The following ASTE1 variants were observed in gnomAD, a reference collection of about 807,000 sequenced individuals.
ASTE1 encodes asteroid structure-specific endonuclease 1, also known as single-strand DNA endonuclease ASTE1.
A neutral mutation model predicts 45.8 loss-of-function variants in ASTE1; 49 were observed. The observed-to-expected ratio is 1.07, with a 90% confidence interval of 0.85 to 1.36. ASTE1 has a LOEUF of 1.36. Among genes scored for constraint, ASTE1 ranks in the 40% most tolerant of loss-of-function variants. ASTE1 has a pLI of 0.00. For missense variants in ASTE1, 709 were observed against 804.0 expected, an observed-to-expected ratio of 0.88 and a Z score of 1.43; for synonymous variants, 296 against 303.9, an observed-to-expected ratio of 0.97 and a Z score of 0.27.
At position 131,024,728 on chromosome 3, in the gene ASTE1, G is replaced by A; in HGVS notation, c.579C>T (p.Ile193=). Residue 193 remains isoleucine (I), a synonymous_variant, in exon 3 of 6, where the codon ATC becomes ATT. Coordinates refer to ENST00000264992, the MANE Select transcript of ASTE1 (RefSeq NM_014065.4). ...MNTIKGTQNY[I]PAKCFSLDAF... ...CATCAAGGGAAAAGCATTTGGCAGG[G>A]ATATAGTTTTGTGTGCCCTTAATAG... 6.2e-7 allele frequency: 1 copy of A among 1,609,760 alleles called. No homozygotes were observed.
Position 131,025,034 on chromosome 3 carries a change from A to C in ASTE1, c.273T>G (p.Thr91=), listed in dbSNP as rs763528180. The stretch of plus-strand genomic sequence containing the variant: ...TCTTCTCTCTAGCTCTATCCTTTAA[A>C]GTTGTAAGCTTTTTATCTGAAATGT... ...GCDISDKKLT[T]LKDRAREKIQ... The change falls in exon 3 of 6, where the codon ACT becomes ACG. Residue 91 remains threonine (T), a synonymous_variant. Coordinates refer to ENST00000264992, the MANE Select transcript of ASTE1 (RefSeq NM_014065.4). The C allele has an allele frequency of 1.2e-6, 2 of 1,603,212 alleles. No individual in the cohort carries two copies. Among genetic ancestry groups the C allele is most frequent in the Non-Finnish European group, 1.7e-6 (2 of 1,174,268 alleles).
chr3:131,025,821 G>C (rs910330069), intron 1 of ASTE1, among the ~76,000 whole-genome samples: 2 of 152,204 alleles, frequency 1.3e-5, no homozygotes, highest in Non-Finnish European at 2.9e-5. Context: ...TAAGGATCAA[G>C]TTTTTCTTTT....
chr3:131,017,991 AAAAAAG>A (rs796282147), intron 4 of ASTE1, among the ~76,000 whole-genome samples: 14,627 of 136,652 alleles, frequency 0.11, 956 homozygotes, highest in Non-Finnish European at 0.14. Context: ...AAAAAAAAAA[AAAAAAG>A]GACAAATTAC....
chr3:131,017,127 G>C, intron 4 of ASTE1: 1 of 993,836 alleles, frequency 1.0e-6, no homozygotes, highest in Non-Finnish European at 1.4e-6. Flanking sequence ...TGTGCTCTGA[G>C]AGCTTTCTTA....
rs765217896 is a variant in ASTE1 at position 131,018,490 on chromosome 3, A to AT, written c.1513+15dup. The AT allele has an allele frequency of 6.2e-7, 1 of 1,610,082 alleles. No individual in the cohort carries two copies. The highest frequency in any genetic ancestry group is 8.5e-7 in the Non-Finnish European group (1 of 1,176,458). ...CAACATGCCACAATATACTCCTGTA[A>AT]TTTCCAGTTACCTACCAGGGCTGTT... On this transcript the variant is annotated intron_variant, in intron 4 of 5. Coordinates refer to ENST00000264992, the MANE Select transcript of ASTE1 (RefSeq NM_014065.4).
chr3:131,014,774 C>T (rs2063515729), intron 5 of ASTE1, among the ~76,000 whole-genome samples: 1 of 152,150 alleles, frequency 6.6e-6, no homozygotes, highest in Non-Finnish European at 1.5e-5. Context: ...TTTGCAAGGT[C>T]ATTCACTGAG....
At chr3:131,018,422 A>G (rs763382554) in intron 4 of ASTE1, 84 bp downstream of exon 4, 18 of 1,339,458 alleles carry the variant, frequency 1.3e-5, no homozygotes, top group Admixed American at 1.1e-4. Flanking sequence ...ATAATCCAAG[A>G]ATACTTTTTT....
chr3:131,017,412 T>C (rs556172442), intron 4 of ASTE1, among the ~76,000 whole-genome samples: 1 of 152,368 alleles, frequency 6.6e-6, no homozygotes, highest in South Asian at 2.1e-4. Flanking sequence ...TAGCCATATG[T>C]AACTACCTGA....
intron 4 of ASTE1, chr3:131,016,589 C>T: frequency 2.0e-6 from 1 of 509,074 alleles, no homozygotes; most frequent in Non-Finnish European, 3.5e-6. Context: ...AGATCTTTTC[C>T]ACTGGTCTAC....
intron 3 of ASTE1, 126 bp from the exon 4 acceptor site, chr3:131,018,842 G>T: frequency 1.1e-6 from 1 of 931,468 alleles, no homozygotes; most frequent in Non-Finnish European, 1.6e-6. Context: ...TTATCTTCTT[G>T]TGGGAAAAAA....
At chr3:131,015,296 A>G in intron 5 of ASTE1, 1 of 690,458 alleles carries the variant, frequency 1.4e-6, no homozygotes, top group East Asian at 2.7e-5. Flanking sequence ...CTCCCCCCAC[A>G]GAGTTTACAT....
At chr3:131,014,668 T>C (rs2063507748) in intron 5 of ASTE1, among the ~76,000 whole-genome samples, 1 of 152,232 alleles carries the variant, frequency 6.6e-6, no homozygotes, top group South Asian at 2.1e-4. Flanking sequence ...CAGGTGTCTT[T>C]AACAAACACT....
chr3:131,018,784 T>C (rs2063704341), intron 3 of ASTE1, 68 bp from the exon 4 acceptor site: 28 of 1,496,966 alleles, frequency 1.9e-5, no homozygotes, highest in Non-Finnish European at 2.5e-5. Flanking sequence ...TTTTCCACCA[T>C]AGCATGAAGA....
At chr3:131,020,947 G>A (rs1314091356) in intron 3 of ASTE1, among the ~76,000 whole-genome samples, 1 of 152,096 alleles carries the variant, frequency 6.6e-6, no homozygotes, top group African/African-American at 2.4e-5. Flanking sequence ...GGGGGGAAAA[G>A]GTATCCTGAT....
intron 3 of ASTE1, among the ~76,000 whole-genome samples, chr3:131,021,071 A>G (rs2063735865): frequency 6.6e-6 from 1 of 152,372 alleles, no homozygotes; most frequent in South Asian, 2.1e-4. Flanking sequence ...TTTCCTAAGC[A>G]GTTCACAAAA....
chr3:131,025,354 T>C, intron 2 of ASTE1, 23 bp from the exon 3 acceptor site: 2 of 1,561,572 alleles, frequency 1.3e-6, no homozygotes, highest in African/African-American at 1.4e-5. Flanking sequence ...ACAGAAAACA[T>C]TTTCAATTGA....
rs1451639251 is a variant in ASTE1, at chr3:131,014,044, T to C, written c.*13A>G. 1 of 1,519,584 alleles carries C rather than the reference T, an allele frequency of 6.6e-7. No individual in the cohort carries two copies. The highest frequency in any genetic ancestry group is 8.9e-7 in the Non-Finnish European group (1 of 1,124,162). The allele number at this position is 1,519,584 out of a possible 1,614,324, so 94.1% of individuals were successfully genotyped here. On this transcript the variant is annotated 3_prime_UTR_variant, in exon 6 of 6. Transcript: ENST00000264992. ...ATTATATTAAATACATCTAGTTTGA[T>C]GCAAACTGAGTTTTATTCAATGTTG...
intron 3 of ASTE1, among the ~76,000 whole-genome samples, chr3:131,021,801 T>G (rs948728349): frequency 1.3e-5 from 2 of 152,206 alleles, no homozygotes. Context: ...GTACACACTT[T>G]ATGTGCACTT....
At position 131,024,949 on chromosome 3, in the gene ASTE1, G is replaced by A. The variant is rs778902667; in HGVS notation, c.358C>T (p.Arg120Trp). 3.3e-5 allele frequency: 53 copies of A among 1,612,202 alleles called. No individual in the cohort carries two copies. The highest frequency in any genetic ancestry group is 2.5e-4 in the South Asian group (23 of 90,818). The change falls in exon 3 of 6, where the codon CGG becomes TGG. Residue 120 changes from arginine (R) to tryptophan (W), a missense_variant. Arg to Trp is a moderately radical substitution (Grantham distance 101). Coordinates refer to ENST00000264992, the MANE Select transcript of ASTE1 (RefSeq NM_014065.4). ...GSGYVCPLLI[R>W]EVFIQVLIKL... is the part of the protein sequence containing the mutation. ...ATCAAAACCTGTATGAATACTTCCC[G>A]GATGAGTAAGGGACATACGTACCCA...
Sources: gnomAD v4.1 joint callset for allele counts (sites outside exome capture counted in the v4.1 genomes callset) on GRCh38, gnomAD v4.1.1 for gene constraint, MANE v1.5 for transcripts, NCBI Gene and HGNC (gene_info 2026-07-23, HGNC 2026-07-21) for gene names.